UQCC1: variants seen among roughly 807,000 people sequenced by gnomAD.
UQCC1 encodes ubiquinol-cytochrome c reductase complex assembly factor 1.
A neutral mutation model predicts 48.0 loss-of-function variants in UQCC1; 38 were observed. The observed-to-expected ratio is 0.79, with a 90% confidence interval of 0.61 to 1.04. The LOEUF is 1.04. UQCC1 is among the 50% of genes least tolerant of loss of function. The pLI, the probability that UQCC1 is intolerant of heterozygous loss-of-function variation, is 0.00. For synonymous variants in UQCC1, 111 were observed against 129.2 expected (o/e 0.86, Z 0.95); for missense variants, 368 against 381.8 (o/e 0.96, Z 0.30).
chr20:35,318,014 T>A (rs1248596132), intron 7 of UQCC1, among the ~76,000 whole-genome samples: 1 of 152,220 alleles, frequency 6.6e-6, no homozygotes. Flanking sequence ...GACCTCCTGA[T>A]ACCCATACTT....
chr20:35,402,533 G>A (rs533751413), intron 1 of UQCC1, among the ~76,000 whole-genome samples: 3 of 150,606 alleles, frequency 2.0e-5, no homozygotes, highest in South Asian at 2.1e-4. Context: ...AGCTGAGATC[G>A]CACCACTGCA....
intron 4 of UQCC1, among the ~76,000 whole-genome samples, chr20:35,381,094 T>G (rs568552791): frequency 6.6e-6 from 1 of 152,218 alleles, no homozygotes; most frequent in African/African-American, 2.4e-5. Flanking sequence ...AGGGGCAGTA[T>G]GCATCTGAGG....
intron 3 of UQCC1, among the ~76,000 whole-genome samples, chr20:35,382,505 C>T (rs139938690): frequency 1.7e-4 from 23 of 136,084 alleles, no homozygotes; most frequent in South Asian, 2.3e-4. Context: ...TTTTTTTTTT[C>T]TTTTTTCTTT....
rs73265698 is a variant in UQCC1, at chr20:35,303,734, G to A, written c.*201C>T. 6,182 of 689,028 alleles carry A rather than the reference G, an allele frequency of 9.0e-3. 301 individuals are homozygous for A. The African/African-American group carries it at 0.098, about 11-fold the overall frequency. The allele number at this position is 689,028 out of a possible 1,614,324, so 42.7% of individuals were successfully genotyped here. A position where few individuals can be genotyped will look rare whatever the true frequency, so the allele number is the denominator to read the frequency against. On this transcript the variant is annotated 3_prime_UTR_variant, in exon 10 of 10. Coordinates refer to ENST00000374385, the MANE Select transcript of UQCC1 (RefSeq NM_018244.5). Reference sequence around the variant, plus strand: ...GAGAGGACACCCCGGGAGAGCTAGGGGTTCTCCCAGCCCTGTACCCCAGCA... The same window carrying A: ...GAGAGGACACCCCGGGAGAGCTAGGAGTTCTCCCAGCCCTGTACCCCAGCA...
intron 2 of UQCC1, among the ~76,000 whole-genome samples, chr20:35,393,712 A>G (rs185319607): frequency 1.3e-5 from 2 of 152,328 alleles, no homozygotes; most frequent in East Asian, 3.9e-4. Context: ...AATACCTCAA[A>G]TAATTGTTTC....
At chr20:35,342,293 A>C (rs2061389523) in intron 7 of UQCC1, among the ~76,000 whole-genome samples, 1 of 152,226 alleles carries the variant, frequency 6.6e-6, no homozygotes, top group African/African-American at 2.4e-5. Context: ...CACAAGGTGG[A>C]GATGTCTGGC....
rs546432728 is a variant in UQCC1 at position 35,308,386 on chromosome 20, G to A, written c.652-1607C>T. Reference sequence around the variant, plus strand: ...ACAACAGCGTGCCTGTGTCTGCTGTGCCTGGGCACATGCCAGAGCGCTGCT... The same window carrying A: ...ACAACAGCGTGCCTGTGTCTGCTGTACCTGGGCACATGCCAGAGCGCTGCT... On this transcript the variant is annotated intron_variant, in intron 8 of 9. Coordinates refer to ENST00000374385, the MANE Select transcript of UQCC1 (RefSeq NM_018244.5). Among the ~76,000 whole-genome samples the A allele has an allele frequency of 2.0e-5, 3 of 152,386 alleles. No individual in the cohort carries two copies. The South Asian group carries it at 6.2e-4, about 32-fold the overall frequency.
At chr20:35,363,220 G>T (rs190576359) in intron 6 of UQCC1, among the ~76,000 whole-genome samples, 1 of 152,112 alleles carries the variant, frequency 6.6e-6, no homozygotes, top group Non-Finnish European at 1.5e-5. Context: ...CAGGTGAAGG[G>T]GTGAGAGAAG....
At chr20:35,346,662 A>G (rs1210851176) in intron 7 of UQCC1, 7 of 189,872 alleles carry the variant, frequency 3.7e-5, no homozygotes, top group Non-Finnish European at 7.8e-5. Flanking sequence ...CAGGTTAATT[A>G]TTAAATGTAC....
At chr20:35,403,919 G>C (rs1256047273) in intron 1 of UQCC1, among the ~76,000 whole-genome samples, 1 of 152,124 alleles carries the variant, frequency 6.6e-6, no homozygotes, top group Non-Finnish European at 1.5e-5. Flanking sequence ...CGTGGGGTGG[G>C]GGGAGCGGGG....
At chr20:35,397,367 T>A (rs2062095085) in intron 1 of UQCC1, among the ~76,000 whole-genome samples, 1 of 149,724 alleles carries the variant, frequency 6.7e-6, no homozygotes, top group Admixed American at 6.7e-5. Context: ...TACAAAAAAA[T>A]TAGCCAGGCG....
At chr20:35,336,696 C>T (rs971619630) in intron 7 of UQCC1, among the ~76,000 whole-genome samples, 2 of 152,146 alleles carry the variant, frequency 1.3e-5, no homozygotes, top group Non-Finnish European at 2.9e-5. Flanking sequence ...TGTTTTAAAC[C>T]ACCAAGTTTG....
chr20:35,400,215 C>T (rs1221926200), intron 1 of UQCC1, among the ~76,000 whole-genome samples: 3 of 151,974 alleles, frequency 2.0e-5, no homozygotes, highest in Non-Finnish European at 4.4e-5. Flanking sequence ...CATGAGCCAC[C>T]GTGTCGACCT....
intron 7 of UQCC1, among the ~76,000 whole-genome samples, chr20:35,343,862 A>T (rs868661171): frequency 6.6e-6 from 1 of 152,200 alleles, no homozygotes; most frequent in Non-Finnish European, 1.5e-5. Flanking sequence ...CAGAATCTGT[A>T]TTTTAACAAG....
intron 8 of UQCC1, among the ~76,000 whole-genome samples, 189 bp downstream of exon 8, chr20:35,314,499 G>A (rs2061035012): frequency 6.6e-6 from 1 of 152,068 alleles, no homozygotes. Context: ...TCCCAAACAT[G>A]TGGCATGTTT....
chr20:35,371,546 G>T (rs2061730698), intron 5 of UQCC1, among the ~76,000 whole-genome samples: 1 of 151,330 alleles, frequency 6.6e-6, no homozygotes, highest in Middle Eastern at 3.2e-3. Context: ...TGGCCTGGCT[G>T]GTCTCAAACT....
chr20:35,353,919 C>G, intron 6 of UQCC1, among the ~76,000 whole-genome samples: 1 of 152,118 alleles, frequency 6.6e-6, no homozygotes. Flanking sequence ...ATATCTTATA[C>G]AAGAATACCA....
In UQCC1 at chr20:35,308,089, T is replaced by G. The variant is rs954366443; in HGVS notation, c.652-1310A>C. On this transcript the variant is annotated intron_variant, in intron 8 of 9. Coordinates refer to ENST00000374385, the MANE Select transcript of UQCC1 (RefSeq NM_018244.5). ...AGGATCACTTTATTCGACATTTTAT[T>G]GTGGTCTGTCCTCTTGGGCATTGTG... is the stretch of plus-strand genomic sequence containing the variant. 6.3e-4 allele frequency among the ~76,000 whole-genome samples: 96 copies of G among 152,242 alleles called. 1 individual carries two copies. The highest frequency in any genetic ancestry group is 6.3e-3 in the Admixed American group (96 of 15,288).
chr20:35,340,219 T>G (rs2061361920), intron 7 of UQCC1, among the ~76,000 whole-genome samples: 1 of 152,148 alleles, frequency 6.6e-6, no homozygotes, highest in African/African-American at 2.4e-5. Flanking sequence ...CACCTACTCC[T>G]CGAACTCTTG....
Sources: gnomAD v4.1 joint callset for allele counts (sites outside exome capture counted in the v4.1 genomes callset) on GRCh38, gnomAD v4.1.1 for gene constraint, MANE v1.5 for transcripts, NCBI Gene and HGNC (gene_info 2026-07-23, HGNC 2026-07-21) for gene names.